The following PCDHA6 variants were observed in gnomAD, a reference collection of about 807,000 sequenced individuals.
The protein encoded by PCDHA6 is protocadherin alpha-6.
In PCDHA6, 55 loss-of-function variants were observed where a neutral mutation model predicts 60.3. The ratio of observed to expected loss-of-function variants is 0.91; its 90% CI spans 0.73 to 1.14. PCDHA6 has a LOEUF of 1.14. Ranked by LOEUF, PCDHA6 falls within the 50% of genes most tolerant of loss-of-function variation. The pLI is 0.00. For synonymous variants in PCDHA6, 652 were observed against 557.9 expected, an observed-to-expected ratio of 1.17 and a Z score of -2.38; for missense variants, 1,327 against 1,256.5, an observed-to-expected ratio of 1.06 and a Z score of -0.85.
rs2150185270 is a variant in PCDHA6, at chr5:140,830,355, G to C, written c.2264G>C (p.Arg755Pro). Reference protein sequence around the residue: ...VGSWSYSQQRRQRVCSGEGPP... With the variant: ...VGSWSYSQQRPQRVCSGEGPP... ...AGCTGGTCGTACTCGCAGCAGAGGC[G>C]GCAGAGGGTGTGCTCCGGGGAGGGC... Residue 755 changes from arginine to proline, a missense_variant, in exon 1 of 4, where the codon CGG becomes CCG. Coordinates refer to ENST00000529310, the MANE Select transcript of PCDHA6 (RefSeq NM_018909.4). The C allele has an allele frequency of 2.5e-6, 4 of 1,614,120 alleles. No individual in the cohort carries two copies. The highest frequency in any genetic ancestry group is 2.2e-5 in the South Asian group (2 of 91,086).
chr5:140,843,381 T>G lies in PCDHA6; in HGVS notation c.2394+12896T>G, dbSNP rs2150358739. The G allele has an allele frequency of 6.3e-6, 10 of 1,595,976 alleles. 2 individuals carry two copies. The African/African-American group carries it at 1.2e-4, about 19-fold the overall frequency. On this transcript the variant is annotated intron_variant, in intron 1 of 3. Coordinates refer to ENST00000529310, the MANE Select transcript of PCDHA6 (RefSeq NM_018909.4). ...TCATCGAGGCAGTCGGCTGGCGTTT[T>G]GGGTCCGGAAGCGGCGCTGGTGGAT...
chr5:140,828,128 T>C lies in PCDHA6; in HGVS notation c.37T>C (p.Cys13Arg). The change falls in exon 1 of 4, where the codon TGT becomes CGT. Residue 13 changes from cysteine (C) to arginine (R), a missense_variant. Physicochemically the swap from Cys to Arg is radical, Grantham distance 180. Transcript: ENST00000529310. Reference sequence around the variant, plus strand: ...CCCGGAGGATAGATTGGGAAAGCAATGTCTGCTCCTCCCGCTTCTGCTCCT... The same window carrying C: ...CCCGGAGGATAGATTGGGAAAGCAACGTCTGCTCCTCCCGCTTCTGCTCCT... ...FTPEDRLGKQ[C>R]LLLPLLLLAA... 6.2e-7 allele frequency: 1 copy of C among 1,613,504 alleles called. No individual in the cohort carries two copies. Among genetic ancestry groups the C allele is most frequent in the Non-Finnish European group, 8.5e-7 (1 of 1,179,608 alleles).
chr5:141,008,439 G>A (rs2098377388), intron 3 of PCDHA6, among the ~76,000 whole-genome samples: 1 of 152,128 alleles, frequency 6.6e-6, no homozygotes, highest in African/African-American at 2.4e-5. Context: ...TGCCCAGACA[G>A]ACCATTACCC....
At chr5:140,833,751 A>AACACAC (rs34569136) in intron 1 of PCDHA6, among the ~76,000 whole-genome samples, 39 of 151,358 alleles carry the variant, frequency 2.6e-4, no homozygotes, top group Middle Eastern at 3.4e-3. Context: ...CTAAAAAGAA[A>AACACAC]ACACACACAC....
chr5:141,007,094 A>G (rs559556000), intron 3 of PCDHA6, among the ~76,000 whole-genome samples: 1 of 152,300 alleles, frequency 6.6e-6, no homozygotes, highest in Admixed American at 6.5e-5. Context: ...AAGAGAGTCT[A>G]GGGCCAAACC....
At chr5:140,851,697 TC>T in intron 1 of PCDHA6, 1 of 942,168 alleles carries the variant, frequency 1.1e-6, no homozygotes, top group Non-Finnish European at 1.3e-6. Flanking sequence ...GATAAAATGA[TC>T]AGCCATGTGA....
intron 2 of PCDHA6, among the ~76,000 whole-genome samples, chr5:140,981,687 A>ATCATTCATTCAT (rs200213847): frequency 1.1e-4 from 17 of 151,972 alleles, no homozygotes; most frequent in African/African-American, 4.1e-4. Context: ...CCTCCCTTCC[A>ATCATTCATTCAT]TCATTCATTC....
intron 1 of PCDHA6, among the ~76,000 whole-genome samples, chr5:140,956,090 C>T (rs964801271): frequency 1.3e-5 from 2 of 152,162 alleles, no homozygotes; most frequent in Non-Finnish European, 2.9e-5. Flanking sequence ...ATGTCATCTG[C>T]AAACAAAGAT....
chr5:140,888,886 T>TA (rs2062023222), intron 1 of PCDHA6, among the ~76,000 whole-genome samples: 1 of 152,036 alleles, frequency 6.6e-6, no homozygotes, highest in South Asian at 2.1e-4. Flanking sequence ...ATTAAAACAT[T>TA]AGAATTGAGG....
chr5:140,973,741 G>C (rs925905924), intron 1 of PCDHA6, among the ~76,000 whole-genome samples: 1 of 152,206 alleles, frequency 6.6e-6, no homozygotes, highest in Admixed American at 6.5e-5. Context: ...GTCTAACTCA[G>C]AACACTCTGC....
chr5:140,880,801 GAA>G (rs1193515493), intron 1 of PCDHA6, among the ~76,000 whole-genome samples: 5 of 152,182 alleles, frequency 3.3e-5, no homozygotes, highest in African/African-American at 1.2e-4. Flanking sequence ...ATAAATAGGT[GAA>G]TGACTCTAGA....
chr5:140,924,052 A>G (rs948483906), intron 1 of PCDHA6, among the ~76,000 whole-genome samples: 1 of 152,244 alleles, frequency 6.6e-6, no homozygotes, highest in Non-Finnish European at 1.5e-5. Context: ...AGTTCGGTAC[A>G]TCTTTACAGT....
Position 140,968,978 on chromosome 5 carries a change from G to T in PCDHA6, c.2395-9971G>T, listed in dbSNP as rs782147151. ...CAAGTGCTACCGCTACACTGCGTATGGCACTGCATGCTGTGGAGGCTTCTG... is the reference window on the plus strand; with the variant it reads ...CAAGTGCTACCGCTACACTGCGTATTGCACTGCATGCTGTGGAGGCTTCTG... On this transcript the variant is annotated intron_variant, in intron 1 of 3. Coordinates refer to ENST00000529310, the MANE Select transcript of PCDHA6 (RefSeq NM_018909.4). The T allele has an allele frequency of 8.7e-6, 14 of 1,614,212 alleles. No homozygotes were observed. Among genetic ancestry groups the T allele is most frequent in the Non-Finnish European group, 1.2e-5 (14 of 1,180,042 alleles).
intron 1 of PCDHA6, among the ~76,000 whole-genome samples, chr5:140,833,724 C>T (rs1420470141): frequency 9.3e-5 from 14 of 149,846 alleles, no homozygotes; most frequent in Non-Finnish European, 1.8e-4. Flanking sequence ...TGGATAGTTG[C>T]TAATGTTTCT....
rs781982439 is a variant in PCDHA6, at chr5:140,967,345, C to G, written c.2395-11604C>G. 3 of 1,607,752 alleles carry G rather than the reference C, an allele frequency of 1.9e-6. No homozygotes were observed. The South Asian group carries it at 3.3e-5, about 18-fold the overall frequency. On this transcript the variant is annotated intron_variant, in intron 1 of 3. Coordinates refer to ENST00000529310, the MANE Select transcript of PCDHA6 (RefSeq NM_018909.4). ...ACGAGCTCAGCCCCAGCGAGCACTT[C>G]GAGCTGGACCTTAAGCCCCTGCAGG...
At chr5:140,905,928 A>G (rs2072211023) in intron 1 of PCDHA6, among the ~76,000 whole-genome samples, 1 of 152,238 alleles carries the variant, frequency 6.6e-6, no homozygotes, top group Admixed American at 6.5e-5. Context: ...TGAGTCCCAA[A>G]GCTGAAGAAC....
At chr5:140,929,357 G>A (rs1554207016) in intron 1 of PCDHA6, 14 of 1,523,448 alleles carry the variant, frequency 9.2e-6, no homozygotes, top group Non-Finnish European at 1.2e-5. Flanking sequence ...TGATTCCTTT[G>A]GCCCGGAGAT....
At chr5:140,840,642 A>G (rs1776791475) in intron 1 of PCDHA6, among the ~76,000 whole-genome samples, 1 of 152,086 alleles carries the variant, frequency 6.6e-6, no homozygotes, top group Non-Finnish European at 1.5e-5. Flanking sequence ...ATATAGAGAA[A>G]TAGTGTAAAG....
Position 140,841,227 on chromosome 5 carries a change from G to C in PCDHA6, c.2394+10742G>C, listed in dbSNP as rs1468435006. The C allele has an allele frequency of 2.1e-6, 3 of 1,454,606 alleles. No homozygotes were observed. The African/African-American group carries it at 4.3e-5, about 21-fold the overall frequency. The allele number at this position is 1,454,606 out of a possible 1,614,324, so 90.1% of individuals were successfully genotyped here. On this transcript the variant is annotated intron_variant, in intron 1 of 3. Transcript: ENST00000529310. The stretch of plus-strand genomic sequence containing the variant: ...ATCTGTCTCTAAAGGCCGAACAACG[G>C]GAGATGCAGCGGAATTGGATTAAAA...
Sources: gnomAD v4.1 joint callset for allele counts (sites outside exome capture counted in the v4.1 genomes callset) on GRCh38, gnomAD v4.1.1 for gene constraint, MANE v1.5 for transcripts, NCBI Gene and HGNC (gene_info 2026-07-23, HGNC 2026-07-21) for gene names.